The following RTF1 variants were observed in gnomAD, a reference collection of about 807,000 sequenced individuals.
RTF1 encodes the protein RTF1 homolog, Paf1/RNA polymerase II complex component, also known as RNA polymerase-associated protein RTF1 homolog.
RTF1 carries 10 observed loss-of-function variants against 95.7 expected under a neutral mutation model. The observed-to-expected ratio is 0.10, with a 90% confidence interval of 0.06 to 0.18. The LOEUF (loss-of-function observed/expected upper bound fraction) is 0.18. Among genes scored for constraint, RTF1 ranks in the 10% least tolerant of loss-of-function variants. RTF1 has a pLI of 1.00. For missense variants in RTF1, 458 were observed against 875.6 expected (o/e 0.52, Z 6.02); for synonymous variants, 305 against 311.8 (o/e 0.98, Z 0.23).
At chr15:41,449,698 G>T (rs1247635704) in intron 2 of RTF1, among the ~76,000 whole-genome samples, 2 of 151,598 alleles carry the variant, frequency 1.3e-5, no homozygotes, top group East Asian at 1.9e-4. Flanking sequence ...GTGCACTGTG[G>T]TGTGTTTCTC....
chr15:41,437,271 G>A (rs953445992), intron 1 of RTF1, among the ~76,000 whole-genome samples: 10 of 151,856 alleles, frequency 6.6e-5, no homozygotes, highest in Non-Finnish European at 1.0e-4. Context: ...CAAGGCGGGC[G>A]GATCACGAGG....
intron 1 of RTF1, among the ~76,000 whole-genome samples, chr15:41,420,683 C>T (rs1316310624): frequency 6.6e-6 from 1 of 152,086 alleles, no homozygotes; most frequent in African/African-American, 2.4e-5. Flanking sequence ...AAAATTTTAC[C>T]TCCAATTTAT....
At chr15:41,473,252 G>C (rs898009426) in intron 8 of RTF1, among the ~76,000 whole-genome samples, 3 of 151,868 alleles carry the variant, frequency 2.0e-5, no homozygotes, top group African/African-American at 7.3e-5. Context: ...TCCTGCCTCA[G>C]CCTCCCGAGT....
intron 1 of RTF1, among the ~76,000 whole-genome samples, chr15:41,417,986 A>C (rs556288271): frequency 3.9e-4 from 60 of 152,286 alleles, no homozygotes; most frequent in Non-Finnish European, 7.8e-4. Context: ...ATAGAGAACT[A>C]TGTAGGGCGA....
At chr15:41,428,576 CTT>C (rs1232342225) in intron 1 of RTF1, among the ~76,000 whole-genome samples, 27 of 141,640 alleles carry the variant, frequency 1.9e-4, no homozygotes, top group East Asian at 4.2e-4. Context: ...CCCCCTACTC[CTT>C]TTTTTTTTTT....
At chr15:41,464,314 G>A (rs1266322506) in intron 4 of RTF1, among the ~76,000 whole-genome samples, 7 of 149,588 alleles carry the variant, frequency 4.7e-5, no homozygotes, top group Non-Finnish European at 1.0e-4. Flanking sequence ...GCAGTGGCGC[G>A]ATCTTGGCTC....
intron 8 of RTF1, among the ~76,000 whole-genome samples, 163 bp downstream of exon 8, chr15:41,471,512 T>C (rs1268144866): frequency 6.6e-6 from 1 of 152,160 alleles, no homozygotes; most frequent in Non-Finnish European, 1.5e-5. Flanking sequence ...CAGGAATCCT[T>C]CATGACTTGT....
At chr15:41,454,198 A>T (rs1172393798) in intron 3 of RTF1, among the ~76,000 whole-genome samples, 2 of 151,994 alleles carry the variant, frequency 1.3e-5, no homozygotes, top group Non-Finnish European at 2.9e-5. Context: ...CCGGGGTTCA[A>T]GAGATTATTC....
intron 2 of RTF1, among the ~76,000 whole-genome samples, chr15:41,439,082 A>C (rs756298570): frequency 4.2e-5 from 6 of 143,422 alleles, no homozygotes; most frequent in Admixed American, 7.3e-5. Flanking sequence ...ACCAGGCTGG[A>C]GTGCAGTGGT....
At chr15:41,434,019 A>C (rs1026531417) in intron 1 of RTF1, among the ~76,000 whole-genome samples, 9 of 151,230 alleles carry the variant, frequency 6.0e-5, no homozygotes, top group Non-Finnish European at 1.0e-4. Context: ...CTAATTTTTT[A>C]TTTTTAGTAG....
At chr15:41,449,072 A>C (rs1279197005) in intron 2 of RTF1, among the ~76,000 whole-genome samples, 6 of 151,710 alleles carry the variant, frequency 4.0e-5, no homozygotes, top group Admixed American at 2.6e-4. Flanking sequence ...TTTTGTAAAG[A>C]CTAGGTTTCA....
rs549600104 is a variant in RTF1, at chr15:41,469,061, C to T, written c.890-1196C>T. Among the ~76,000 whole-genome samples the T allele has an allele frequency of 5.3e-5, 8 of 152,082 alleles. No individual in the cohort carries two copies. In the South Asian group the frequency reaches 1.2e-3, roughly 24 times the overall value. ...TCGGCTCATTGCAACCTTCACCTCC[C>T]GGGTTCAAGCGATTCTCCCACCTCA... On this transcript the variant is annotated intron_variant, in intron 6 of 17. Coordinates refer to ENST00000389629, the MANE Select transcript of RTF1 (RefSeq NM_015138.5).
intron 1 of RTF1, among the ~76,000 whole-genome samples, chr15:41,420,999 G>C (rs926942496): frequency 2.2e-4 from 33 of 152,222 alleles, no homozygotes; most frequent in Non-Finnish European, 2.2e-4. Flanking sequence ...ATAGCTTCCT[G>C]TGTCTGCCAT....
intron 6 of RTF1, among the ~76,000 whole-genome samples, chr15:41,468,295 A>G (rs1030082524): frequency 5.3e-5 from 8 of 151,832 alleles, no homozygotes; most frequent in South Asian, 2.1e-4. Flanking sequence ...TTCCTCATTC[A>G]TTATCTAGCC....
chr15:41,445,106 T>C (rs1234692800), intron 2 of RTF1, among the ~76,000 whole-genome samples: 1 of 152,036 alleles, frequency 6.6e-6, no homozygotes, highest in Non-Finnish European at 1.5e-5. Flanking sequence ...CTAATTTTTT[T>C]TTGTATTTTT....
intron 2 of RTF1, among the ~76,000 whole-genome samples, chr15:41,446,299 G>A (rs376638094): frequency 6.6e-6 from 1 of 152,070 alleles, no homozygotes; most frequent in African/African-American, 2.4e-5. Flanking sequence ...GGCCAGGTGC[G>A]GTGTCTTAGG....
At chr15:41,422,867 C>T (rs950494156) in intron 1 of RTF1, among the ~76,000 whole-genome samples, 3 of 152,182 alleles carry the variant, frequency 2.0e-5, no homozygotes, top group South Asian at 2.1e-4. Flanking sequence ...CTCCGCCTCC[C>T]GGGTTCAAAC....
chr15:41,449,211 T>A (rs1161338040), intron 2 of RTF1, among the ~76,000 whole-genome samples: 1 of 150,006 alleles, frequency 6.7e-6, no homozygotes, highest in African/African-American at 2.5e-5. Context: ...TTTGTCCCTG[T>A]TGTGGAGGCA....
At chr15:41,438,279 C>A in intron 1 of RTF1, 42 bp from the exon 2 acceptor site, 1 of 1,323,330 alleles carries the variant, frequency 7.6e-7, no homozygotes, top group Non-Finnish European at 1.0e-6. Flanking sequence ...GATATTCTTT[C>A]TCTGTTGAAC....
Sources: allele counts gnomAD v4.1 joint callset (sites outside exome capture counted in the v4.1 genomes callset), GRCh38; gene constraint gnomAD v4.1.1; transcripts MANE v1.5; gene names NCBI Gene and HGNC (gene_info 2026-07-23, HGNC 2026-07-21).